The following JPH3 variants were observed in gnomAD, a reference collection of about 807,000 sequenced individuals.
The protein encoded by JPH3 is junctophilin 3, also known as junctophilin-3.
In JPH3, 11 loss-of-function variants were observed where a neutral mutation model predicts 59.6. The ratio of observed to expected loss-of-function variants is 0.18; its 90% CI spans 0.12 to 0.31. The LOEUF is 0.31. JPH3 is among the 10% of genes least tolerant of loss of function. The pLI is 1.00. For missense variants in JPH3, 1,202 were observed against 1,105.7 expected, an observed-to-expected ratio of 1.09 and a Z score of -1.24; for synonymous variants, 673 against 483.6, an observed-to-expected ratio of 1.39 and a Z score of -5.14.
chr16:87,623,628 C>T (rs1291335689), intron 1 of JPH3, among the ~76,000 whole-genome samples: 2 of 152,216 alleles, frequency 1.3e-5, no homozygotes, highest in South Asian at 2.1e-4. Context: ...AGCTGCAGAC[C>T]CCGAGTTCCG....
chr16:87,696,476 C>T (rs1435416819), intron 4 of JPH3, 104 bp from the exon 5 acceptor site: 1 of 929,460 alleles, frequency 1.1e-6, no homozygotes, highest in African/African-American at 1.6e-5. Context: ...GCTTCCACCC[C>T]CGAGGGTCTG....
At chr16:87,643,226 C>T (rs1042599937) in intron 1 of JPH3, among the ~76,000 whole-genome samples, 1 of 152,240 alleles carries the variant, frequency 6.6e-6, no homozygotes, top group African/African-American at 2.4e-5. Flanking sequence ...GAATGTTCTA[C>T]CTTTTCAAGG....
At chr16:87,645,316 G>A (rs2032110032) in intron 2 of JPH3, among the ~76,000 whole-genome samples, 1 of 152,214 alleles carries the variant, frequency 6.6e-6, no homozygotes, top group Admixed American at 6.5e-5. Context: ...ATATGCTGAT[G>A]TTTAGTGTAA....
rs2032057143 is a variant in JPH3 at position 87,644,295 on chromosome 16, G to A, written c.420G>A (p.Gln140=). ...YQGQWVGGMR[Q]GYGVRQSVPY... ...GCCAGTGGGTCGGTGGCATGCGCCA[G>A]GGCTACGGCGTCCGGCAGAGCGTCC... The change falls in exon 2 of 5, where the codon CAG becomes CAA. Residue 140 remains glutamine (Q), a synonymous_variant. Coordinates refer to ENST00000284262, the MANE Select transcript of JPH3 (RefSeq NM_020655.4). 1.2e-6 allele frequency: 2 copies of A among 1,612,226 alleles called. No homozygotes were observed. The highest frequency in any genetic ancestry group is 2.2e-5 in the East Asian group (1 of 44,866).
Position 87,690,511 on chromosome 16 carries a change from G to A in JPH3, c.2151G>A (p.Glu717=). The change falls in exon 4 of 5, where the codon GAG becomes GAA. Residue 717 remains glutamate, a synonymous_variant. Coordinates refer to ENST00000284262, the MANE Select transcript of JPH3 (RefSeq NM_020655.4). ...ALESDEENGD[E]LKSSTGSAPI... Reference sequence around the variant, plus strand: ...AGTCCGACGAGGAGAATGGGGATGAGCTCAAGTCCAGTACGGTGAGTGGGC... The same window carrying A: ...AGTCCGACGAGGAGAATGGGGATGAACTCAAGTCCAGTACGGTGAGTGGGC... 1 of 1,480,322 alleles carries A rather than the reference G, an allele frequency of 6.8e-7. No homozygotes were observed. The highest frequency in any genetic ancestry group is 9.0e-7 in the Non-Finnish European group (1 of 1,116,190). The allele number at this position is 1,480,322 out of a possible 1,614,324, so 91.7% of individuals were successfully genotyped here. A position where few individuals can be genotyped will look rare whatever the true frequency, so the allele number is the denominator to read the frequency against.
intron 1 of JPH3, among the ~76,000 whole-genome samples, chr16:87,643,768 A>G (rs1178147193): frequency 1.3e-5 from 2 of 152,310 alleles, no homozygotes; most frequent in East Asian, 1.9e-4. Context: ...GGTGTCTTCA[A>G]AAACAGCCAC....
chr16:87,618,476 AGAGG>A lies in JPH3; in HGVS notation c.382+14949_382+14952del, dbSNP rs1451323703. The stretch of plus-strand genomic sequence containing the variant: ...TCGTCCCTGCTGTCCTACAGCCCCG[AGAGG>A]CCAGGTACGTCCATGTGTCGTGCCC... On this transcript the variant is annotated intron_variant, in intron 1 of 4. Transcript: ENST00000284262. Among the ~76,000 whole-genome samples, 52 of 152,220 alleles carry A rather than the reference AGAGG, an allele frequency of 3.4e-4. 1 individual carries two copies. Among genetic ancestry groups the A allele is most frequent in the Non-Finnish European group, 1.5e-4 (10 of 68,040 alleles).
intron 1 of JPH3, among the ~76,000 whole-genome samples, chr16:87,642,685 C>T (rs1278626249): frequency 3.9e-5 from 6 of 152,214 alleles, no homozygotes; most frequent in African/African-American, 1.2e-4. Context: ...GCTCAAATGA[C>T]AAATGAGGCT....
rs1039828544 is a variant in JPH3, at chr16:87,689,749, G to A, written c.1389G>A (p.Lys463=). ...AGGAGAGCCCCGAGCTGTACCGCAA[G>A]GGCACCACTCCCTCCGACCTGACCC... is the stretch of plus-strand genomic sequence containing the variant. ...LQQESPELYR[K]GTTPSDLTPD... is the part of the protein sequence containing the mutation. Residue 463 remains lysine (K), a synonymous_variant, in exon 4 of 5, where the codon AAG becomes AAA. Coordinates refer to ENST00000284262, the MANE Select transcript of JPH3 (RefSeq NM_020655.4). The A allele has an allele frequency of 1.9e-6, 3 of 1,612,126 alleles. No individual in the cohort carries two copies. The highest frequency in any genetic ancestry group is 1.3e-5 in the African/African-American group (1 of 74,872).
At chr16:87,640,638 T>TCGC (rs1280484302) in intron 1 of JPH3, among the ~76,000 whole-genome samples, 6 of 152,076 alleles carry the variant, frequency 3.9e-5, no homozygotes, top group African/African-American at 1.4e-4. Context: ...GGTGATCTGC[T>TCGC]CGCCTCGGCC....
intron 2 of JPH3, among the ~76,000 whole-genome samples, chr16:87,651,266 G>C (rs2032317563): frequency 6.6e-6 from 1 of 152,188 alleles, no homozygotes; most frequent in African/African-American, 2.4e-5. Context: ...TCACCCCGGA[G>C]CGCCCATGGA....
At chr16:87,638,663 C>T (rs2031838880) in intron 1 of JPH3, among the ~76,000 whole-genome samples, 1 of 152,086 alleles carries the variant, frequency 6.6e-6, no homozygotes, top group East Asian at 1.9e-4. Context: ...GACCCGGGGT[C>T]CCTGCTCTGC....
At chr16:87,645,207 C>CA (rs922657392) in intron 2 of JPH3, among the ~76,000 whole-genome samples, 172 bp downstream of exon 2, 12 of 152,202 alleles carry the variant, frequency 7.9e-5, no homozygotes, top group Admixed American at 6.5e-5. Context: ...TGGAGGTTCT[C>CA]AGAGGTGACT....
chr16:87,650,171 C>T lies in JPH3; in HGVS notation c.1160+5136C>T, dbSNP rs561137253. 5.9e-5 allele frequency among the ~76,000 whole-genome samples: 9 copies of T among 152,304 alleles called. No individual in the cohort carries two copies. In the East Asian group the frequency reaches 1.2e-3, roughly 20 times the overall value. On this transcript the variant is annotated intron_variant, in intron 2 of 4. Coordinates refer to ENST00000284262, the MANE Select transcript of JPH3 (RefSeq NM_020655.4). ...TTTTCCCAACAGCACGTGCTCACAT[C>T]GTGTGTCCGTGCCACACTTTGGTAA...
intron 1 of JPH3, among the ~76,000 whole-genome samples, chr16:87,629,121 T>C (rs1481623496): frequency 6.6e-6 from 1 of 152,014 alleles, no homozygotes; most frequent in Non-Finnish European, 1.5e-5. Context: ...GGCAAGTGAC[T>C]CACTTCTCTG....
chr16:87,684,120 C>T lies in JPH3; in HGVS notation c.1161-22C>T, dbSNP rs1042340165. ...CACCTGTGCCCCCTGCCCCCCCTCA[C>T]GCTCCTCCCTGTCTCCCCCAGGACC... On this transcript the variant is annotated intron_variant, in intron 2 of 4. Coordinates refer to ENST00000284262, the MANE Select transcript of JPH3 (RefSeq NM_020655.4). 1.0e-5 allele frequency: 16 copies of T among 1,606,848 alleles called. No homozygotes were observed. The African/African-American group carries it at 1.1e-4, about 11-fold the overall frequency.
At position 87,612,740 on chromosome 16, in the gene JPH3, G is replaced by A. The variant is rs1467559704; in HGVS notation, c.382+9212G>A. On this transcript the variant is annotated intron_variant, in intron 1 of 4. Transcript: ENST00000284262. ...TACATTAAAATAGACTAGAGGCCGG[G>A]CGTGGTGGCTCATGCCTGTAATCCC... is the stretch of plus-strand genomic sequence containing the variant. Among the ~76,000 whole-genome samples the A allele has an allele frequency of 2.0e-5, 3 of 152,194 alleles. No homozygotes were observed. In the East Asian group the frequency reaches 5.8e-4, roughly 29 times the overall value.
At chr16:87,683,256 A>T (rs2033338629) in intron 2 of JPH3, among the ~76,000 whole-genome samples, 1 of 151,772 alleles carries the variant, frequency 6.6e-6, no homozygotes, top group African/African-American at 2.4e-5. Flanking sequence ...CTGGGCTTGG[A>T]CTCTTTCTGT....
chr16:87,623,580 A>T (rs1405046199), intron 1 of JPH3, among the ~76,000 whole-genome samples: 1 of 152,192 alleles, frequency 6.6e-6, no homozygotes, highest in Non-Finnish European at 1.5e-5. Context: ...TCATTCCCCA[A>T]CAAAACAACC....
Sources: allele counts gnomAD v4.1 joint callset (sites outside exome capture counted in the v4.1 genomes callset), GRCh38; gene constraint gnomAD v4.1.1; transcripts MANE v1.5; gene names NCBI Gene and HGNC (gene_info 2026-07-23, HGNC 2026-07-21).